The following KLHL14 variants were observed in gnomAD, a reference collection of about 807,000 sequenced individuals.
The protein encoded by KLHL14 is kelch-like protein 14.
Under a neutral mutation model 64.3 loss-of-function variants are expected in KLHL14, and 22 were observed. The observed-to-expected ratio is 0.34, with a 90% confidence interval of 0.24 to 0.49. KLHL14 has a LOEUF of 0.49. Ranked by LOEUF, KLHL14 falls within the 20% of genes least tolerant of loss-of-function variation. The pLI, the probability that KLHL14 is intolerant of heterozygous loss-of-function variation, is 0.99. For missense variants in KLHL14, 661 were observed against 789.0 expected (o/e 0.84, Z 1.94); for synonymous variants, 322 against 333.4 (o/e 0.97, Z 0.37).
chr18:32,735,156 A>G (rs1047311306), intron 3 of KLHL14, among the ~76,000 whole-genome samples: 1 of 152,208 alleles, frequency 6.6e-6, no homozygotes, highest in African/African-American at 2.4e-5. Context: ...GGATCCGTTT[A>G]GATTTTCGTG....
chr18:32,720,407 G>A (rs191124771), intron 3 of KLHL14, among the ~76,000 whole-genome samples: 117 of 152,244 alleles, frequency 7.7e-4, no homozygotes, highest in African/African-American at 2.6e-3. Context: ...AAGATTTCAG[G>A]TTGGAGAGAT....
chr18:32,746,508 A>C (rs2144535006), intron 2 of KLHL14, among the ~76,000 whole-genome samples: 2 of 152,308 alleles, frequency 1.3e-5, no homozygotes, highest in South Asian at 4.2e-4. Flanking sequence ...TAAGTACTGT[A>C]AAATCTCATT....
intron 2 of KLHL14, among the ~76,000 whole-genome samples, chr18:32,766,698 G>T (rs1006913029): frequency 3.0e-4 from 46 of 151,962 alleles, no homozygotes; most frequent in African/African-American, 1.1e-3. Flanking sequence ...TTTACTTATT[G>T]TCCTTATGTT....
intron 3 of KLHL14, among the ~76,000 whole-genome samples, chr18:32,718,934 A>T (rs1485440853): frequency 6.6e-6 from 1 of 152,116 alleles, no homozygotes; most frequent in Non-Finnish European, 1.5e-5. Flanking sequence ...CTATAATTTG[A>T]TGGGAACATG....
At chr18:32,734,174 T>C (rs1426472931) in intron 3 of KLHL14, 2 of 702,934 alleles carry the variant, frequency 2.8e-6, no homozygotes, top group Non-Finnish European at 5.2e-6. Flanking sequence ...GAAAATTCTC[T>C]GGTTTTCCTC....
At chr18:32,676,377 CATA>C (rs1364250166) in intron 8 of KLHL14, among the ~76,000 whole-genome samples, 2 of 152,030 alleles carry the variant, frequency 1.3e-5, no homozygotes, top group Admixed American at 6.6e-5. Context: ...ATATATGAGA[CATA>C]ATGATGAAAT....
chr18:32,703,633 G>A (rs2049976653), intron 3 of KLHL14, among the ~76,000 whole-genome samples: 1 of 152,202 alleles, frequency 6.6e-6, no homozygotes, highest in African/African-American at 2.4e-5. Flanking sequence ...ACTTGGGGAA[G>A]TGCTAATAAG....
intron 8 of KLHL14, among the ~76,000 whole-genome samples, 192 bp from the exon 9 acceptor site, chr18:32,674,989 A>G (rs1458814199): frequency 6.6e-6 from 1 of 152,192 alleles, no homozygotes; most frequent in African/African-American, 2.4e-5. Flanking sequence ...CAAAATTTCA[A>G]AAAAAATTTT....
At chr18:32,689,641 GGTTT>G (rs1201676377) in intron 4 of KLHL14, among the ~76,000 whole-genome samples, 1 of 152,126 alleles carries the variant, frequency 6.6e-6, no homozygotes, top group Non-Finnish European at 1.5e-5. Flanking sequence ...ATTGAAGGAA[GGTTT>G]GTTTGGTTGT....
chr18:32,761,523 TAG>T (rs1158598086), intron 2 of KLHL14, among the ~76,000 whole-genome samples: 1 of 151,962 alleles, frequency 6.6e-6, no homozygotes, highest in African/African-American at 2.4e-5. Context: ...GCCTATTACT[TAG>T]AATGGCTCAT....
At position 32,673,012 on chromosome 18, in the gene KLHL14, T is replaced by A. The variant is rs1041919550; in HGVS notation, c.*1645A>T. The A allele has an allele frequency of 6.6e-6, 1 of 151,882 alleles. No individual in the cohort carries two copies. The highest frequency in any genetic ancestry group is 1.5e-5 in the Non-Finnish European group (1 of 67,984). The allele number at this position is 151,882 out of a possible 1,614,324, so 9.4% of individuals were successfully genotyped here. ...TGTCAGCTGAGATTTTCCCACAGAG[T>A]ACTGTAACTTTTCTTTCTATATACT... On this transcript the variant is annotated 3_prime_UTR_variant, in exon 9 of 9. Transcript: ENST00000359358.
intron 2 of KLHL14, among the ~76,000 whole-genome samples, chr18:32,758,337 C>A (rs1031577975): frequency 1.3e-5 from 2 of 152,092 alleles, no homozygotes; most frequent in African/African-American, 4.8e-5. Flanking sequence ...TGAAAAGATG[C>A]TCAACATGAT....
chr18:32,769,622 C>T, intron 2 of KLHL14, 23 bp downstream of exon 2: 1 of 1,383,476 alleles, frequency 7.2e-7, no homozygotes, highest in Non-Finnish European at 9.7e-7. Flanking sequence ...CCCTCCCCCG[C>T]CCTCCTCTTT....
At chr18:32,750,564 T>C (rs1454866638) in intron 2 of KLHL14, among the ~76,000 whole-genome samples, 1 of 152,198 alleles carries the variant, frequency 6.6e-6, no homozygotes, top group Non-Finnish European at 1.5e-5. Flanking sequence ...ACAATGGTAT[T>C]GACTCAGATC....
intron 3 of KLHL14, among the ~76,000 whole-genome samples, chr18:32,707,597 G>T (rs1389636760): frequency 6.6e-6 from 1 of 152,182 alleles, no homozygotes; most frequent in African/African-American, 2.4e-5. Flanking sequence ...TGGAATTTTG[G>T]TGTGTTCTAG....
At chr18:32,744,477 CA>C (rs3042636) in intron 2 of KLHL14, 49,770 of 134,756 alleles carry the variant, frequency 0.37, 9,008 homozygotes, top group Middle Eastern at 0.48. Context: ...AACTCCATGT[CA>C]AAAAAAAAAA....
At chr18:32,719,439 T>G (rs981859763) in intron 3 of KLHL14, among the ~76,000 whole-genome samples, 5 of 152,222 alleles carry the variant, frequency 3.3e-5, no homozygotes, top group Admixed American at 3.3e-4. Flanking sequence ...GAATGGATAC[T>G]TCTCTCATTA....
At position 32,769,968 on chromosome 18, in the gene KLHL14, G is replaced by C. The variant is rs775618752; in HGVS notation, c.624C>G (p.Tyr208Ter). The C allele has an allele frequency of 3.1e-6, 5 of 1,614,096 alleles. No individual in the cohort carries two copies. The highest frequency in any genetic ancestry group is 2.5e-6 in the Non-Finnish European group (3 of 1,180,048). The change falls in exon 2 of 9, where the codon TAC becomes TAG. Residue 208 changes from tyrosine (Y) to a stop codon, truncating the protein, a stop_gained. Coordinates refer to ENST00000359358, the MANE Select transcript of KLHL14 (RefSeq NM_020805.3). LOFTEE classifies it high-confidence loss of function. ...TGAGCAGCAGCACATCCTCCACCAG[G>C]TACTTGTTGGCCAGCTTCTTGGTCT... Reference protein sequence around the residue: ...LEETKKLANKYLVEDVLLLNF... With the variant: ...LEETKKLANK
At chr18:32,682,918 C>T (rs1271114203) in intron 5 of KLHL14, among the ~76,000 whole-genome samples, 1 of 152,128 alleles carries the variant, frequency 6.6e-6, no homozygotes, top group African/African-American at 2.4e-5. Context: ...TCTTATTTCA[C>T]TAATGGGCCA....
Sources: allele counts gnomAD v4.1 joint callset (sites outside exome capture counted in the v4.1 genomes callset), GRCh38; gene constraint gnomAD v4.1.1; transcripts MANE v1.5; gene names NCBI Gene and HGNC (gene_info 2026-07-23, HGNC 2026-07-21).